Variants in CELF3 observed in about 807,000 individuals in gnomAD.
CELF3 encodes CUGBP Elav-like family member 3, also known as CAG repeat domain.
In CELF3, 26 loss-of-function variants were observed where a neutral mutation model predicts 59.6. The observed-to-expected ratio is 0.44, with a 90% CI of 0.32 to 0.61. The LOEUF (loss-of-function observed/expected upper bound fraction) is 0.61. Ranked by LOEUF, CELF3 falls within the 20% of genes least tolerant of loss-of-function variation. The pLI is 0.06. For missense variants in CELF3, 387 were observed against 627.2 expected (o/e 0.62, Z 4.09); for synonymous variants, 245 against 250.7 (o/e 0.98, Z 0.22).
Position 151,700,635 on chromosome 1 carries a change from C to G in CELF3, c.*2824G>C, listed in dbSNP as rs1346682942. On this transcript the variant is annotated 3_prime_UTR_variant, in exon 13 of 13. Coordinates refer to ENST00000290583, the MANE Select transcript of CELF3 (RefSeq NM_007185.7). ...TGCTTCAGAACATAGACAGAAGGAC[C>G]AATTAGGAAATTGCTATGATTACTC... Among the ~76,000 whole-genome samples the G allele has an allele frequency of 1.3e-5, 2 of 152,104 alleles. No homozygotes were observed. The highest frequency in any genetic ancestry group is 4.8e-5 in the African/African-American group (2 of 41,414).
At chr1:151,708,121 A>G in intron 5 of CELF3, 186 bp from the exon 6 acceptor site, 1 of 579,312 alleles carries the variant, frequency 1.7e-6, no homozygotes, top group Non-Finnish European at 2.9e-6. Flanking sequence ...TAGGATGTGC[A>G]AGAGGCTAGA....
intron 5 of CELF3, chr1:151,708,182 T>C: frequency 2.2e-6 from 1 of 460,396 alleles, no homozygotes; most frequent in East Asian, 3.5e-5. Context: ...AAAAGCCTAC[T>C]GGAATGAAAA....
In CELF3 at chr1:151,706,351, T is replaced by C; in HGVS notation, c.999A>G (p.Pro333=). The stretch of plus-strand genomic sequence containing the variant: ...CAGGTGCAACCAGGCTGTAGGCTGC[T>C]GGGTAGGCTGCTGGGGTGGGGAGAA... ...AGMQHYTAAY[P]AAYSLVAPAF... The change falls in exon 10 of 13, where the codon CCA becomes CCG. Residue 333 remains proline (P), a synonymous_variant. Transcript: ENST00000290583. 6.5e-7 allele frequency: 1 copy of C among 1,549,206 alleles called. No homozygotes were observed. Among genetic ancestry groups the C allele is most frequent in the Non-Finnish European group, 8.7e-7 (1 of 1,145,990 alleles).
intron 5 of CELF3, 64 bp from the exon 6 acceptor site, chr1:151,707,999 C>T: frequency 6.5e-7 from 1 of 1,532,438 alleles, no homozygotes; most frequent in Admixed American, 1.9e-5. Flanking sequence ...CCAAAGCCCT[C>T]AGGACCTGGT....
chr1:151,706,212 C>T lies in CELF3; in HGVS notation c.1126+12G>A. The T allele has an allele frequency of 1.9e-6, 3 of 1,611,360 alleles. No homozygotes were observed. Among genetic ancestry groups the T allele is most frequent in the Non-Finnish European group, 2.5e-6 (3 of 1,179,568 alleles). On this transcript the variant is annotated intron_variant, in intron 10 of 12. Coordinates refer to ENST00000290583, the MANE Select transcript of CELF3 (RefSeq NM_007185.7). Reference sequence around the variant, plus strand: ...CGAGGGCATTCCTGTCTCCCAAGGCCCCAGCCAGCACCTTCTCTTTGCTGC... The same window carrying T: ...CGAGGGCATTCCTGTCTCCCAAGGCTCCAGCCAGCACCTTCTCTTTGCTGC...
Position 151,703,096 on chromosome 1 carries a change from G to A in CELF3, c.*363C>T, listed in dbSNP as rs761988325. 4.0e-5 allele frequency: 18 copies of A among 453,766 alleles called. No individual in the cohort carries two copies. Among genetic ancestry groups the A allele is most frequent in the South Asian group, 7.8e-5 (5 of 64,252 alleles). The allele number at this position is 453,766 out of a possible 1,614,324, so 28.1% of individuals were successfully genotyped here. A position where few individuals can be genotyped will look rare whatever the true frequency, so the allele number is the denominator to read the frequency against. ...CCTGCGGCTCTCCTGGGGCCTGCAC[G>A]GGTAGAACAGGCCCACTGTTGGGGG... On this transcript the variant is annotated 3_prime_UTR_variant, in exon 13 of 13. Coordinates refer to ENST00000290583, the MANE Select transcript of CELF3 (RefSeq NM_007185.7).
chr1:151,708,917 G>C, intron 5 of CELF3, 81 bp downstream of exon 5: 1 of 1,289,818 alleles, frequency 7.8e-7, no homozygotes, highest in South Asian at 1.2e-5. Flanking sequence ...CCCATCCTGA[G>C]TGGACTGCTT....
chr1:151,705,692 G>T lies in CELF3; in HGVS notation c.1270+130C>A. On this transcript the variant is annotated intron_variant, in intron 11 of 12. Transcript: ENST00000290583. This position sits in a 1 kb window ranked among gnomAD's most constrained non-coding sequence, Gnocchi z 5.1. Reference sequence around the variant, plus strand: ...TGTGGCATGTTGGGTGTGTCAAAATGGCTCTTTTGTACTCTTGGATAATCA... The same window carrying T: ...TGTGGCATGTTGGGTGTGTCAAAATTGCTCTTTTGTACTCTTGGATAATCA... The T allele has an allele frequency of 1.0e-6, 1 of 1,000,212 alleles. No individual in the cohort carries two copies. The highest frequency in any genetic ancestry group is 1.5e-6 in the Non-Finnish European group (1 of 677,314). 62.0% of individuals were successfully genotyped at this position (1,000,212 alleles called of 1,614,324 possible).
Position 151,703,041 on chromosome 1 carries a change from T to G in CELF3, c.*418A>C, listed in dbSNP as rs1571901914. The G allele has an allele frequency of 1.1e-5, 4 of 380,240 alleles. No individual in the cohort carries two copies. The highest frequency in any genetic ancestry group is 1.1e-5 in the Non-Finnish European group (2 of 189,004). 23.6% of individuals were successfully genotyped at this position (380,240 alleles called of 1,614,324 possible). A position where few individuals can be genotyped will look rare whatever the true frequency, so the allele number is the denominator to read the frequency against. On this transcript the variant is annotated 3_prime_UTR_variant, in exon 13 of 13. Transcript: ENST00000290583. Reference sequence around the variant, plus strand: ...CCCTAATGTGGGGAAGAGGCTGGGGTGAGGGTGAGCTGGGAGTGTGTGGCA... The same window carrying G: ...CCCTAATGTGGGGAAGAGGCTGGGGGGAGGGTGAGCTGGGAGTGTGTGGCA...
At chr1:151,708,066 G>T in intron 5 of CELF3, 131 bp from the exon 6 acceptor site, 2 of 957,362 alleles carry the variant, frequency 2.1e-6, no homozygotes, top group South Asian at 1.7e-5. Flanking sequence ...CCACCATTTT[G>T]CGTATGAAAG....
chr1:151,701,046 CAAATTGTAGGAGAGCAGGAAAAG>C lies in CELF3; in HGVS notation c.*2390_*2412del, dbSNP rs982016228. ...GATGACTCTTGGCTTCTTGGGAGAA[CAAATTGTAGGAGAGCAGGAAAAG>C]AAACATGGAGACAGATGAGAGCAAT... On this transcript the variant is annotated 3_prime_UTR_variant, in exon 13 of 13. Coordinates refer to ENST00000290583, the MANE Select transcript of CELF3 (RefSeq NM_007185.7). 2.0e-5 allele frequency: 3 copies of C among 152,206 alleles called. No homozygotes were observed. The highest frequency in any genetic ancestry group is 4.4e-5 in the Non-Finnish European group (3 of 68,092). The allele number at this position is 152,206 out of a possible 1,614,324, so 9.4% of individuals were successfully genotyped here.
chr1:151,716,109 C>G lies in CELF3; in HGVS notation c.-89G>C. 5.0e-6 allele frequency: 7 copies of G among 1,386,298 alleles called. No homozygotes were observed. Among genetic ancestry groups the G allele is most frequent in the East Asian group, 2.4e-5 (1 of 42,202 alleles). 85.9% of individuals were successfully genotyped at this position (1,386,298 alleles called of 1,614,324 possible). ...CCCAGCAAGGAGATAAGTGGTGGGG[C>G]CCGGGGGCCCAGCTGGGGCTGGCTT... On this transcript the variant is annotated 5_prime_UTR_variant, in exon 1 of 13. Transcript: ENST00000290583.
Position 151,703,341 on chromosome 1 carries a change from A to G in CELF3, c.*118T>C. 1 of 449,602 alleles carries G rather than the reference A, an allele frequency of 2.2e-6. No individual in the cohort carries two copies. Among genetic ancestry groups the G allele is most frequent in the South Asian group, 1.6e-5 (1 of 63,814 alleles). The allele number at this position is 449,602 out of a possible 1,614,324, so 27.9% of individuals were successfully genotyped here. A position where few individuals can be genotyped will look rare whatever the true frequency, so the allele number is the denominator to read the frequency against. The stretch of plus-strand genomic sequence containing the variant: ...CTTGTGCCCCCGGGGGCCACGAAGC[A>G]GCGTTTGCCCCAGAACCCAGTCAAG... On this transcript the variant is annotated 3_prime_UTR_variant, in exon 13 of 13. Coordinates refer to ENST00000290583, the MANE Select transcript of CELF3 (RefSeq NM_007185.7).
At position 151,702,417 on chromosome 1, in the gene CELF3, T is replaced by C. The variant is rs1209219171; in HGVS notation, c.*1042A>G. 2.6e-5 allele frequency: 4 copies of C among 152,124 alleles called. No individual in the cohort carries two copies. Among genetic ancestry groups the C allele is most frequent in the Non-Finnish European group, 5.9e-5 (4 of 68,024 alleles). 9.4% of individuals were successfully genotyped at this position (152,124 alleles called of 1,614,324 possible). ...ACTCTTATTTGATGCTTTTAAACTT[T>C]TTTCTTTATTTAGACAGAAAAGACC... On this transcript the variant is annotated 3_prime_UTR_variant, in exon 13 of 13. Coordinates refer to ENST00000290583, the MANE Select transcript of CELF3 (RefSeq NM_007185.7).
intron 2 of CELF3, among the ~76,000 whole-genome samples, chr1:151,714,130 C>A (rs1310223379): frequency 6.6e-6 from 1 of 152,154 alleles, no homozygotes; most frequent in Non-Finnish European, 1.5e-5. Context: ...GCTCAAGAAC[C>A]AGCACCGAGA....
intron 5 of CELF3, 91 bp from the exon 6 acceptor site, chr1:151,708,026 T>A (rs1672720977): frequency 7.0e-7 from 1 of 1,432,302 alleles, no homozygotes; most frequent in East Asian, 2.4e-5. Context: ...TCCACCCCCA[T>A]GGCATGGCTT....
At chr1:151,710,047 G>A in intron 2 of CELF3, 1 of 528,238 alleles carries the variant, frequency 1.9e-6, no homozygotes, top group Non-Finnish European at 3.4e-6. Context: ...GACTTGGCCA[G>A]GGATGGGTGC....
Position 151,706,652 on chromosome 1 carries a change from T to C in CELF3, c.988+17A>G, listed in dbSNP as rs1383096955. The C allele has an allele frequency of 5.2e-6, 8 of 1,550,952 alleles. No homozygotes were observed. Among genetic ancestry groups the C allele is most frequent in the Non-Finnish European group, 7.0e-6 (8 of 1,146,794 alleles). On this transcript the variant is annotated intron_variant, in intron 9 of 12. Coordinates refer to ENST00000290583, the MANE Select transcript of CELF3 (RefSeq NM_007185.7). The stretch of plus-strand genomic sequence containing the variant: ...ACCTCTCCCACCTGAGCAGGGGCCC[T>C]GGCTAGGGCGCCTCACCTGTGTAGT...
In CELF3 at chr1:151,705,743, G is replaced by T; in HGVS notation, c.1270+79C>A. 6.8e-7 allele frequency: 1 copy of T among 1,476,030 alleles called. No homozygotes were observed. Among genetic ancestry groups the T allele is most frequent in the South Asian group, 1.3e-5 (1 of 79,960 alleles). 91.4% of individuals were successfully genotyped at this position (1,476,030 alleles called of 1,614,324 possible). ...GTATTTCAAATACTGGGTCCACTGTGACCATAAATGCCTTCAAATATATTA... is the reference window on the plus strand; with the variant it reads ...GTATTTCAAATACTGGGTCCACTGTTACCATAAATGCCTTCAAATATATTA... On this transcript the variant is annotated intron_variant, in intron 11 of 12. Transcript: ENST00000290583. This position sits in a 1 kb window ranked among gnomAD's most constrained non-coding sequence, Gnocchi z 5.1.
Sources: allele counts gnomAD v4.1 joint callset (sites outside exome capture counted in the v4.1 genomes callset), GRCh38; gene constraint gnomAD v4.1.1; non-coding constraint Gnocchi (gnomAD v3.1); transcripts MANE v1.5; gene names NCBI Gene and HGNC (gene_info 2026-07-23, HGNC 2026-07-21).